Variants in CGNL1 observed in about 807,000 individuals in gnomAD.
CGNL1 encodes the protein cingulin like 1, also known as cingulin-like protein 1.
CGNL1 carries 132 observed loss-of-function variants against 141.2 expected under a neutral mutation model. That is an observed-to-expected ratio of 0.93 (90% CI 0.81 to 1.08). The LOEUF (loss-of-function observed/expected upper bound fraction) is 1.08. Among genes scored for constraint, CGNL1 ranks in the 50% least tolerant of loss-of-function variants. The pLI is 0.00. For synonymous variants in CGNL1, 690 were observed against 622.1 expected (o/e 1.11, Z -1.63); for missense variants, 1,870 against 1,588.6 (o/e 1.18, Z -3.01).
chr15:57,445,813 G>C (rs771926585), intron 4 of CGNL1, among the ~76,000 whole-genome samples: 4 of 152,056 alleles, frequency 2.6e-5, no homozygotes, highest in Non-Finnish European at 5.9e-5. Context: ...CCACTTTACT[G>C]TAGGATTTTA....
chr15:57,408,912 T>G (rs776045971), intron 1 of CGNL1, among the ~76,000 whole-genome samples: 9 of 151,990 alleles, frequency 5.9e-5, no homozygotes, highest in Non-Finnish European at 1.0e-4. Flanking sequence ...CATGGTGGTG[T>G]GCGCCTGTAA....
At chr15:57,421,810 G>C (rs2062918319) in intron 1 of CGNL1, among the ~76,000 whole-genome samples, 1 of 151,500 alleles carries the variant, frequency 6.6e-6, no homozygotes, top group Admixed American at 6.6e-5. Context: ...GTGTGCTCCT[G>C]TGTGGACAGG....
chr15:57,472,023 C>G (rs146991701), intron 8 of CGNL1, among the ~76,000 whole-genome samples: 1 of 151,780 alleles, frequency 6.6e-6, no homozygotes, highest in Non-Finnish European at 1.5e-5. Flanking sequence ...AGATCACTTG[C>G]GCCCAGGAGT....
chr15:57,477,390 GA>G (rs2063670023), intron 8 of CGNL1: 1 of 152,156 alleles, frequency 6.6e-6, no homozygotes, highest in Non-Finnish European at 1.5e-5. Context: ...AACTTCGTTG[GA>G]AAACACTGGG....
At chr15:57,411,690 C>T (rs7497933) in intron 1 of CGNL1, among the ~76,000 whole-genome samples, 4,096 of 151,976 alleles carry the variant, frequency 0.027, 168 homozygotes, top group African/African-American at 0.094. Flanking sequence ...GGTGATCCAC[C>T]CACCTCAGCC....
intron 1 of CGNL1, among the ~76,000 whole-genome samples, chr15:57,428,011 A>C (rs556046316): frequency 6.6e-5 from 10 of 152,304 alleles, no homozygotes; most frequent in Admixed American, 5.2e-4. Context: ...ATTTTAAAAC[A>C]AAGTTCAGAG....
chr15:57,503,305 A>T (rs1288717112), intron 8 of CGNL1, among the ~76,000 whole-genome samples: 3 of 152,188 alleles, frequency 2.0e-5, no homozygotes, highest in Admixed American at 2.0e-4. Context: ...GCTTCTCAAA[A>T]TCACGAGTCA....
At chr15:57,425,257 G>A (rs2062959704) in intron 1 of CGNL1, among the ~76,000 whole-genome samples, 1 of 152,166 alleles carries the variant, frequency 6.6e-6, no homozygotes, top group Non-Finnish European at 1.5e-5. Context: ...CCACCTACTT[G>A]GGAGCCTGAG....
rs144452357 is a variant in CGNL1 at position 57,534,300 on chromosome 15, G to A, written c.3291+2521G>A. Among the ~76,000 whole-genome samples the A allele has an allele frequency of 5.2e-4, 79 of 152,324 alleles. No homozygotes were observed. The East Asian group carries it at 0.011, about 22-fold the overall frequency. ...TAGCCTGGTGTTTGTTATAAGTGGA[G>A]AAATTGAGCACATTCACATGGACGT... On this transcript the variant is annotated intron_variant, in intron 14 of 18. Transcript: ENST00000281282.
At chr15:57,395,875 T>G (rs543113151) in intron 1 of CGNL1, among the ~76,000 whole-genome samples, 2 of 150,766 alleles carry the variant, frequency 1.3e-5, no homozygotes, top group African/African-American at 4.9e-5. Context: ...ACATTTTTTT[T>G]AATTCATAAA....
chr15:57,454,287 A>G (rs2063354355), intron 7 of CGNL1, among the ~76,000 whole-genome samples: 1 of 152,204 alleles, frequency 6.6e-6, no homozygotes, highest in South Asian at 2.1e-4. Context: ...CAAAGAGATG[A>G]TAAACAATTT....
intron 8 of CGNL1, among the ~76,000 whole-genome samples, chr15:57,508,485 T>C (rs2029917491): frequency 6.6e-6 from 1 of 152,228 alleles, no homozygotes; most frequent in Non-Finnish European, 1.5e-5. Flanking sequence ...TGTATCTCTT[T>C]TTTGATTTTC....
chr15:57,458,850 C>T (rs559223525), intron 7 of CGNL1, among the ~76,000 whole-genome samples: 13 of 152,302 alleles, frequency 8.5e-5, no homozygotes, highest in South Asian at 2.1e-4. Context: ...GAGCCGGCCT[C>T]GTTACCTGCA....
intron 14 of CGNL1, among the ~76,000 whole-genome samples, chr15:57,537,706 A>G (rs1426764241): frequency 6.6e-6 from 1 of 152,162 alleles, no homozygotes; most frequent in African/African-American, 2.4e-5. Flanking sequence ...CAATTCTGAG[A>G]GCTGGCTCAG....
At chr15:57,473,419 C>G (rs2063607991) in intron 8 of CGNL1, among the ~76,000 whole-genome samples, 1 of 152,284 alleles carries the variant, frequency 6.6e-6, no homozygotes, top group Middle Eastern at 3.4e-3. Flanking sequence ...AGTATGGAAA[C>G]AGGAATACCT....
At chr15:57,377,656 C>G (rs1487099527) in intron 1 of CGNL1, among the ~76,000 whole-genome samples, 4 of 152,264 alleles carry the variant, frequency 2.6e-5, no homozygotes, top group Admixed American at 2.0e-4. Context: ...ACTGAAGATC[C>G]CTTTGTTTCT....
At chr15:57,405,069 T>G (rs2062700629) in intron 1 of CGNL1, 1 of 152,218 alleles carries the variant, frequency 6.6e-6, no homozygotes, top group Non-Finnish European at 1.5e-5. Context: ...TTCCTTTCTT[T>G]TTTTTGAAAT....
At chr15:57,523,210 C>T (rs1211036968) in intron 10 of CGNL1, among the ~76,000 whole-genome samples, 1 of 152,198 alleles carries the variant, frequency 6.6e-6, no homozygotes, top group Admixed American at 6.5e-5. Context: ...GAATTCCCAC[C>T]ACCAGCAGCC....
intron 8 of CGNL1, among the ~76,000 whole-genome samples, chr15:57,495,866 A>G (rs549578586): frequency 4.6e-5 from 7 of 152,342 alleles, no homozygotes; most frequent in African/African-American, 1.7e-4. Context: ...TTGGGAAGAC[A>G]TCTATTTTCA....
Sources: allele counts gnomAD v4.1 joint callset (sites outside exome capture counted in the v4.1 genomes callset), GRCh38; gene constraint gnomAD v4.1.1; transcripts MANE v1.5; gene names NCBI Gene and HGNC (gene_info 2026-07-23, HGNC 2026-07-21).